Variants in KCNT2 observed in about 807,000 individuals in gnomAD.
KCNT2 encodes the protein potassium channel subfamily T member 2.
KCNT2 carries 67 observed loss-of-function variants against 153.8 expected under a neutral mutation model. That is an observed-to-expected ratio of 0.44 (90% CI 0.36 to 0.53). The LOEUF is 0.53. Among genes scored for constraint, KCNT2 ranks in the 20% least tolerant of loss-of-function variants. The pLI is 0.00. For synonymous variants in KCNT2, 500 were observed against 458.8 expected, an observed-to-expected ratio of 1.09 and a Z score of -1.15; for missense variants, 975 against 1,354.8, an observed-to-expected ratio of 0.72 and a Z score of 4.40.
chr1:196,401,662 AG>A (rs1186098179), intron 12 of KCNT2, among the ~76,000 whole-genome samples: 1 of 151,694 alleles, frequency 6.6e-6, no homozygotes, highest in Non-Finnish European at 1.5e-5. Flanking sequence ...AGAAAAGGTA[AG>A]GAAAAGGGAA....
At chr1:196,505,793 C>A (rs1465140142) in intron 1 of KCNT2, among the ~76,000 whole-genome samples, 2 of 151,980 alleles carry the variant, frequency 1.3e-5, no homozygotes, top group Non-Finnish European at 2.9e-5. Flanking sequence ...TTGAAGAGGT[C>A]CTTCACGTCC....
At chr1:196,515,098 G>A (rs1456763372) in intron 1 of KCNT2, among the ~76,000 whole-genome samples, 1 of 152,124 alleles carries the variant, frequency 6.6e-6, no homozygotes, top group African/African-American at 2.4e-5. Context: ...TTAGGTCCTG[G>A]CTCACTATGA....
chr1:196,597,330 T>C (rs577566367), intron 1 of KCNT2, among the ~76,000 whole-genome samples: 37 of 151,828 alleles, frequency 2.4e-4, no homozygotes, highest in African/African-American at 8.7e-4. Context: ...CTGTACACAA[T>C]ATAATATATC....
intron 26 of KCNT2, among the ~76,000 whole-genome samples, chr1:196,250,347 T>G (rs545311054): frequency 6.6e-6 from 1 of 152,164 alleles, no homozygotes; most frequent in Non-Finnish European, 1.5e-5. Context: ...CAACAGTGAA[T>G]TCATTTTCCA....
intron 8 of KCNT2, among the ~76,000 whole-genome samples, chr1:196,432,325 A>C (rs576595945): frequency 6.6e-6 from 1 of 152,134 alleles, no homozygotes; most frequent in Admixed American, 6.6e-5. Context: ...AGAGTCCCCA[A>C]CTAGAGCAAT....
intron 13 of KCNT2, among the ~76,000 whole-genome samples, chr1:196,377,348 G>C (rs1054908008): frequency 6.6e-6 from 1 of 151,514 alleles, no homozygotes; most frequent in Non-Finnish European, 1.5e-5. Context: ...TTGGTGGGGG[G>C]GAGAATTTCA....
intron 1 of KCNT2, among the ~76,000 whole-genome samples, chr1:196,593,592 G>T (rs1295242903): frequency 6.6e-6 from 1 of 151,474 alleles, no homozygotes; most frequent in East Asian, 1.9e-4. Context: ...TGGGGGGATG[G>T]ATATCCCATT....
In KCNT2 at chr1:196,305,224, G is replaced by A; in HGVS notation, c.2595+10C>T. The A allele has an allele frequency of 2.1e-6, 3 of 1,410,900 alleles. No homozygotes were observed. The highest frequency in any genetic ancestry group is 3.0e-6 in the Non-Finnish European group (3 of 995,562). The allele number at this position is 1,410,900 out of a possible 1,614,324, so 87.4% of individuals were successfully genotyped here. On this transcript the variant is annotated intron_variant, in intron 22 of 27. Coordinates refer to ENST00000294725, the MANE Select transcript of KCNT2 (RefSeq NM_198503.5). ...TTAAATCTAATTTACTTGATAATGT[G>A]GGGTCTTACCTTTTCCAGTTTTGAA...
intron 14 of KCNT2, among the ~76,000 whole-genome samples, chr1:196,345,550 G>A (rs1403612608): frequency 6.6e-6 from 1 of 152,104 alleles, no homozygotes; most frequent in Admixed American, 6.6e-5. Context: ...ACCTTTCATT[G>A]GGATGACTTG....
chr1:196,249,138 T>A (rs1363987433), intron 26 of KCNT2, among the ~76,000 whole-genome samples: 1 of 151,956 alleles, frequency 6.6e-6, no homozygotes, highest in Non-Finnish European at 1.5e-5. Context: ...AAATTGGGTA[T>A]AGGAGGAACA....
At chr1:196,545,007 GA>G (rs1255682459) in intron 1 of KCNT2, among the ~76,000 whole-genome samples, 5 of 151,890 alleles carry the variant, frequency 3.3e-5, no homozygotes, top group South Asian at 4.1e-4. Flanking sequence ...AAAAAAGGGG[GA>G]AAAAACATTA....
At chr1:196,298,149 G>A (rs566046675) in intron 22 of KCNT2, among the ~76,000 whole-genome samples, 1 of 152,252 alleles carries the variant, frequency 6.6e-6, no homozygotes, top group South Asian at 2.1e-4. Context: ...AGACATGACT[G>A]TTTGCATTCT....
At chr1:196,389,477 G>T (rs1346644762) in intron 13 of KCNT2, among the ~76,000 whole-genome samples, 1 of 151,462 alleles carries the variant, frequency 6.6e-6, no homozygotes, top group Non-Finnish European at 1.5e-5. Flanking sequence ...ATTTCAATTG[G>T]ATACTGGCCA....
rs575967348 is a variant in KCNT2 at position 196,400,870 on chromosome 1, A to T, written c.1186-2199T>A. ...ATTTTAGAGGAAAATTAAAACTTGG[A>T]GGAAGTATCTTGCATGTTATAATTT... is the stretch of plus-strand genomic sequence containing the variant. On this transcript the variant is annotated intron_variant, in intron 12 of 27. Transcript: ENST00000294725. Among the ~76,000 whole-genome samples, 7 of 151,910 alleles carry T rather than the reference A, an allele frequency of 4.6e-5. No individual in the cohort carries two copies. In the South Asian group the frequency reaches 1.5e-3, roughly 32 times the overall value.
intron 8 of KCNT2, among the ~76,000 whole-genome samples, chr1:196,431,811 G>C (rs1674174563): frequency 6.6e-6 from 1 of 152,044 alleles, no homozygotes; most frequent in Admixed American, 6.6e-5. Flanking sequence ...TACCCAGCCA[G>C]GTCAGATTGT....
intron 3 of KCNT2, among the ~76,000 whole-genome samples, chr1:196,488,676 CACTG>C (rs1326804823): frequency 6.6e-6 from 1 of 151,922 alleles, no homozygotes; most frequent in African/African-American, 2.4e-5. Flanking sequence ...ATTTTAATAA[CACTG>C]ACATCTCCAG....
At chr1:196,520,121 C>T (rs56078312) in intron 1 of KCNT2, among the ~76,000 whole-genome samples, 3,229 of 152,200 alleles carry the variant, frequency 0.021, 103 homozygotes, top group African/African-American at 0.074. Context: ...ATCAAGCAGG[C>T]TTTATCCCTG....
chr1:196,399,989 C>G (rs569303387), intron 12 of KCNT2, among the ~76,000 whole-genome samples: 1 of 151,844 alleles, frequency 6.6e-6, no homozygotes, highest in African/African-American at 2.4e-5. Context: ...TATAATCCAC[C>G]CAGTCTATGC....
intron 13 of KCNT2, among the ~76,000 whole-genome samples, chr1:196,377,636 A>G (rs1343999660): frequency 1.3e-5 from 2 of 152,038 alleles, no homozygotes; most frequent in East Asian, 1.9e-4. Context: ...ATCTGAGGTA[A>G]GAACTGATCA....
Sources: gnomAD v4.1 joint callset for allele counts (sites outside exome capture counted in the v4.1 genomes callset) on GRCh38, gnomAD v4.1.1 for gene constraint, MANE v1.5 for transcripts, NCBI Gene and HGNC (gene_info 2026-07-23, HGNC 2026-07-21) for gene names.